The following PHF21B variants were observed in gnomAD, a reference collection of about 807,000 sequenced individuals.
The protein encoded by PHF21B is PHD finger protein 4.
In PHF21B, 22 loss-of-function variants were observed where a neutral mutation model predicts 62.2. That is an observed-to-expected ratio of 0.35 (90% CI 0.25 to 0.51). PHF21B has a LOEUF of 0.51. Among genes scored for constraint, PHF21B ranks in the 20% least tolerant of loss-of-function variants. PHF21B has a pLI of 0.97. For missense variants in PHF21B, 701 were observed against 707.9 expected (o/e 0.99, Z 0.11); for synonymous variants, 341 against 314.7 (o/e 1.08, Z -0.88).
intron 2 of PHF21B, among the ~76,000 whole-genome samples, chr22:44,963,831 G>C (rs931933416): frequency 6.6e-6 from 1 of 152,228 alleles, no homozygotes; most frequent in Non-Finnish European, 1.5e-5. Flanking sequence ...TCTCCATGTG[G>C]GGGACCCCAA....
chr22:45,005,457 G>C (rs1442764660), intron 2 of PHF21B, among the ~76,000 whole-genome samples: 1 of 152,190 alleles, frequency 6.6e-6, no homozygotes, highest in Non-Finnish European at 1.5e-5. Context: ...CCGAATGGTA[G>C]GACAAAAACT....
chr22:44,971,809 C>T (rs114724303), intron 2 of PHF21B, among the ~76,000 whole-genome samples: 3,029 of 152,358 alleles, frequency 0.02, 98 homozygotes, highest in African/African-American at 0.068. Context: ...GCACTTGCTG[C>T]GTCTGTCTCC....
intron 2 of PHF21B, among the ~76,000 whole-genome samples, chr22:44,998,928 G>A (rs1409759636): frequency 3.3e-5 from 5 of 152,102 alleles, no homozygotes; most frequent in Admixed American, 6.6e-5. Flanking sequence ...ACCCAGCCTG[G>A]CCTGCCCCTC....
chr22:45,009,830 C>T lies in PHF21B; in HGVS notation c.-281G>A, dbSNP rs2073392116. ...CTGCCGGCGCGGCCCGGAGCATGGC[C>T]CCCCCGGCGCCGGGAGCCCCGCGCA... On this transcript the variant is annotated 5_prime_UTR_variant, in exon 1 of 13. Coordinates refer to ENST00000313237, the MANE Select transcript of PHF21B (RefSeq NM_138415.5). The surrounding 1 kb of genome is among the most constrained non-coding windows in gnomAD (Gnocchi z 5.9). 6.7e-6 allele frequency: 1 copy of T among 148,792 alleles called. No homozygotes were observed. The highest frequency in any genetic ancestry group is 2.4e-5 in the African/African-American group (1 of 40,912). The allele number at this position is 148,792 out of a possible 1,614,324, so 9.2% of individuals were successfully genotyped here.
chr22:44,909,385 G>A (rs4823412), intron 5 of PHF21B, among the ~76,000 whole-genome samples: 18,168 of 152,206 alleles, frequency 0.12, 1,361 homozygotes, highest in African/African-American at 0.22. Flanking sequence ...CCGAGCCAGG[G>A]CCTCACAGTG....
chr22:44,938,160 C>A (rs1336538013), intron 2 of PHF21B, among the ~76,000 whole-genome samples: 2 of 152,146 alleles, frequency 1.3e-5, no homozygotes, highest in Admixed American at 1.3e-4. Flanking sequence ...CTGCAACCTC[C>A]ACCTCCCAGG....
chr22:44,894,555 G>A (rs1334671444), intron 6 of PHF21B, among the ~76,000 whole-genome samples: 2 of 152,166 alleles, frequency 1.3e-5, no homozygotes, highest in African/African-American at 2.4e-5. Flanking sequence ...TGAGGGCAGC[G>A]GGATTCATCT....
intron 3 of PHF21B, among the ~76,000 whole-genome samples, chr22:44,916,859 C>T (rs1601596314): frequency 6.6e-6 from 1 of 152,352 alleles, no homozygotes; most frequent in South Asian, 2.1e-4. Context: ...TCTGGACCCA[C>T]GGCCCTCCCA....
At position 44,885,459 on chromosome 22, in the gene PHF21B, C is replaced by T. The variant is rs2070840146; in HGVS notation, c.1344G>A (p.Glu448=). Residue 448 remains glutamate, a synonymous_variant, in exon 12 of 13, where the codon GAG becomes GAA. Transcript: ENST00000313237. ...SELQNEHQQL[E]ERDRRLASAV... is the part of the protein sequence containing the mutation. Reference sequence around the variant, plus strand: ...CTGACGCCAGCCGCCGGTCCCGCTCCTCCAGCTGCTGGTGCTCGTTCTGCA... The same window carrying T: ...CTGACGCCAGCCGCCGGTCCCGCTCTTCCAGCTGCTGGTGCTCGTTCTGCA... The T allele has an allele frequency of 3.1e-6, 5 of 1,594,516 alleles. No individual in the cohort carries two copies. The highest frequency in any genetic ancestry group is 4.3e-6 in the Non-Finnish European group (5 of 1,171,280).
chr22:44,999,720 G>C (rs75409505), intron 2 of PHF21B, among the ~76,000 whole-genome samples: 1 of 151,982 alleles, frequency 6.6e-6, no homozygotes, highest in Non-Finnish European at 1.5e-5. Context: ...TTAAGGTCAC[G>C]AAGCTGGGCA....
At chr22:44,887,821 G>T in intron 10 of PHF21B, 142 bp downstream of exon 10, 1 of 806,894 alleles carries the variant, frequency 1.2e-6, no homozygotes. Context: ...GGATTATCCA[G>T]CCCCAAATGT....
chr22:44,920,691 G>A (rs2071519997), intron 2 of PHF21B, among the ~76,000 whole-genome samples: 1 of 152,232 alleles, frequency 6.6e-6, no homozygotes, highest in South Asian at 2.1e-4. Context: ...AAGGAAAAGA[G>A]CAGCACTGCC....
At position 44,939,142 on chromosome 22, in the gene PHF21B, C is replaced by T. The variant is rs184860047; in HGVS notation, c.121-18652G>A. The stretch of plus-strand genomic sequence containing the variant: ...GAGCCTCCAGTAGAAAACTCAAGAT[C>T]GGCTCAGACAGGGCTGGGGAAGAGG... On this transcript the variant is annotated intron_variant, in intron 2 of 12. Transcript: ENST00000313237. 3.9e-4 allele frequency among the ~76,000 whole-genome samples: 59 copies of T among 152,348 alleles called. 1 individual carries two copies. In the East Asian group the frequency reaches 9.6e-3, roughly 25 times the overall value.
intron 2 of PHF21B, among the ~76,000 whole-genome samples, chr22:44,996,381 G>A (rs2073123333): frequency 6.6e-6 from 1 of 152,162 alleles, no homozygotes; most frequent in Admixed American, 6.5e-5. Flanking sequence ...CTGACTGAGA[G>A]GTGGTTTGGC....
intron 5 of PHF21B, among the ~76,000 whole-genome samples, chr22:44,905,632 GTTTT>G (rs1889302979): frequency 6.6e-6 from 1 of 151,374 alleles, no homozygotes; most frequent in South Asian, 2.1e-4. Flanking sequence ...TTGTTTTTTT[GTTTT>G]TTGTTTTTTT....
chr22:44,907,807 G>T (rs921454583), intron 5 of PHF21B, among the ~76,000 whole-genome samples: 1 of 152,206 alleles, frequency 6.6e-6, no homozygotes, highest in Admixed American at 6.5e-5. Flanking sequence ...CCATGTCATA[G>T]GCCCTGACAA....
chr22:44,908,097 G>A (rs1022990507), intron 5 of PHF21B, among the ~76,000 whole-genome samples: 5 of 152,212 alleles, frequency 3.3e-5, no homozygotes, highest in Non-Finnish European at 5.9e-5. Context: ...GCCTCTTCAC[G>A]ACTGAGCGGT....
chr22:44,902,181 T>C (rs555148565), intron 5 of PHF21B: 1 of 200,200 alleles, frequency 5.0e-6, no homozygotes, highest in Non-Finnish European at 1.1e-5. Context: ...AATGTGAAAA[T>C]CCCAATACAT....
chr22:44,928,519 C>T (rs1259322859), intron 2 of PHF21B, among the ~76,000 whole-genome samples: 2 of 152,326 alleles, frequency 1.3e-5, no homozygotes, highest in African/African-American at 4.8e-5. Context: ...AAGTGATTCT[C>T]CTGCCTCAGC....
Sources: gnomAD v4.1 joint callset for allele counts (sites outside exome capture counted in the v4.1 genomes callset) on GRCh38, gnomAD v4.1.1 for gene constraint, Gnocchi (gnomAD v3.1) non-coding constraint, MANE v1.5 for transcripts, NCBI Gene and HGNC (gene_info 2026-07-23, HGNC 2026-07-21) for gene names.